Variants in CTNND2 observed in about 807,000 individuals in gnomAD.
CTNND2 encodes catenin delta 2, also known as catenin delta-2.
In CTNND2, 22 loss-of-function variants were observed where a neutral mutation model predicts 144.4. The observed-to-expected ratio is 0.15, with a 90% CI of 0.11 to 0.22. CTNND2 has a LOEUF of 0.22. Among genes scored for constraint, CTNND2 ranks in the 10% least tolerant of loss-of-function variants. The probability of loss-of-function intolerance (pLI) is 1.00; values close to 1 mark genes in which losing one functional copy is unlikely to be tolerated. For synonymous variants in CTNND2, 751 were observed against 695.6 expected (o/e 1.08, Z -1.25); for missense variants, 1,353 against 1,618.8 (o/e 0.84, Z 2.82).
At chr5:11,654,622 T>A (rs573353521) in intron 2 of CTNND2, among the ~76,000 whole-genome samples, 23 of 151,992 alleles carry the variant, frequency 1.5e-4, no homozygotes, top group African/African-American at 5.5e-4. Context: ...TAGTTCTAAC[T>A]GTTCTTTTGG....
chr5:11,677,262 C>T (rs1264389574), intron 2 of CTNND2, among the ~76,000 whole-genome samples: 2 of 152,220 alleles, frequency 1.3e-5, no homozygotes, highest in Admixed American at 1.3e-4. Context: ...GCAAATGCCT[C>T]ATCATATCTT....
At chr5:11,781,658 C>A (rs532533621) in intron 1 of CTNND2, among the ~76,000 whole-genome samples, 1 of 152,310 alleles carries the variant, frequency 6.6e-6, no homozygotes, top group African/African-American at 2.4e-5. Flanking sequence ...ATAATTTACA[C>A]AATACACAAT....
intron 2 of CTNND2, among the ~76,000 whole-genome samples, chr5:11,575,173 C>T (rs1370662154): frequency 6.6e-6 from 1 of 152,188 alleles, no homozygotes; most frequent in East Asian, 1.9e-4. Flanking sequence ...GTCTCCTCTC[C>T]TGGACCATAT....
In CTNND2 at chr5:11,521,686, C is replaced by G. The variant is rs1040712483; in HGVS notation, c.287+43258G>C. Among the ~76,000 whole-genome samples, 3 of 152,248 alleles carry G rather than the reference C, an allele frequency of 2.0e-5. No individual in the cohort carries two copies. In the East Asian group the frequency reaches 5.8e-4, roughly 29 times the overall value. ...TAGTAAATGTATATTAAGTGTTGGT[C>G]ACATATTATCTTCTTTGGTAGCTTT... On this transcript the variant is annotated intron_variant, in intron 3 of 21. Coordinates refer to ENST00000304623, the MANE Select transcript of CTNND2 (RefSeq NM_001332.4).
chr5:11,235,025 G>A (rs1328263833), intron 10 of CTNND2, among the ~76,000 whole-genome samples: 2 of 152,156 alleles, frequency 1.3e-5, no homozygotes, highest in Non-Finnish European at 1.5e-5. Flanking sequence ...TGCTTGGCCT[G>A]GAAAGCCTCA....
chr5:11,273,176 A>G (rs1339192617), intron 9 of CTNND2, among the ~76,000 whole-genome samples: 1 of 152,198 alleles, frequency 6.6e-6, no homozygotes, highest in Non-Finnish European at 1.5e-5. Flanking sequence ...TGGCCCACGA[A>G]GCCTAGAATA....
At chr5:11,512,262 G>T (rs1771723651) in intron 3 of CTNND2, among the ~76,000 whole-genome samples, 4 of 152,210 alleles carry the variant, frequency 2.6e-5, no homozygotes, top group Admixed American at 1.3e-4. Context: ...CCTGCAAATT[G>T]TATGACTGGT....
chr5:11,536,573 T>G (rs1430255428), intron 3 of CTNND2, among the ~76,000 whole-genome samples: 1 of 152,186 alleles, frequency 6.6e-6, no homozygotes, highest in African/African-American at 2.4e-5. Flanking sequence ...ATGGTATTCG[T>G]AGCAACCTGG....
chr5:11,735,779 T>C (rs1168433810), intron 1 of CTNND2, among the ~76,000 whole-genome samples: 3 of 152,298 alleles, frequency 2.0e-5, no homozygotes, highest in Non-Finnish European at 2.9e-5. Flanking sequence ...TCTGCCATGA[T>C]TGTGAGGCCT....
At chr5:11,733,319 G>T (rs1581793374) in intron 1 of CTNND2, among the ~76,000 whole-genome samples, 1 of 152,200 alleles carries the variant, frequency 6.6e-6, no homozygotes, top group East Asian at 1.9e-4. Context: ...GGATAGTGTA[G>T]TAGATAGTGT....
At chr5:11,811,202 G>A (rs1270777966) in intron 1 of CTNND2, among the ~76,000 whole-genome samples, 1 of 152,138 alleles carries the variant, frequency 6.6e-6, no homozygotes, top group Non-Finnish European at 1.5e-5. Context: ...GACTCTGACC[G>A]TCCAACTCCA....
At chr5:11,014,546 A>T (rs1187814717) in intron 18 of CTNND2, among the ~76,000 whole-genome samples, 3 of 152,204 alleles carry the variant, frequency 2.0e-5, no homozygotes, top group Non-Finnish European at 2.9e-5. Context: ...TTGATGTTCC[A>T]TTAGGGCAAA....
At chr5:11,859,907 C>A (rs1795425220) in intron 1 of CTNND2, among the ~76,000 whole-genome samples, 1 of 152,176 alleles carries the variant, frequency 6.6e-6, no homozygotes, top group Non-Finnish European at 1.5e-5. Flanking sequence ...TATAAGCACA[C>A]TCTAGGGACT....
intron 16 of CTNND2, among the ~76,000 whole-genome samples, chr5:11,066,986 C>T (rs997132778): frequency 1.3e-5 from 2 of 152,190 alleles, no homozygotes; most frequent in Non-Finnish European, 2.9e-5. Flanking sequence ...GTGCCTGATG[C>T]AGCCATATAC....
At chr5:11,616,695 C>T (rs755507889) in intron 2 of CTNND2, among the ~76,000 whole-genome samples, 12 of 152,036 alleles carry the variant, frequency 7.9e-5, no homozygotes, top group Non-Finnish European at 1.6e-4. Context: ...CACCCTCCAC[C>T]TCCCAGGTTC....
chr5:11,576,804 A>G (rs958160718), intron 2 of CTNND2, among the ~76,000 whole-genome samples: 2 of 152,158 alleles, frequency 1.3e-5, no homozygotes, highest in African/African-American at 4.8e-5. Context: ...AATGAATTTC[A>G]GAGTGCAGTA....
chr5:11,253,752 A>T lies in CTNND2; in HGVS notation c.1629-16929T>A, dbSNP rs375475187. ...TGCTATTTGTTGATGCAATAAATAA[A>T]ACCTTCTGGATAAAATATTTTTCCT... On this transcript the variant is annotated intron_variant, in intron 9 of 21. Transcript: ENST00000304623. Among the ~76,000 whole-genome samples the T allele has an allele frequency of 2.0e-5, 3 of 152,356 alleles. No homozygotes were observed. The East Asian group carries it at 5.8e-4, about 29-fold the overall frequency.
chr5:11,094,906 T>G (rs552999538), intron 15 of CTNND2, among the ~76,000 whole-genome samples: 9 of 152,310 alleles, frequency 5.9e-5, no homozygotes, highest in African/African-American at 1.2e-4. Flanking sequence ...TTCCTATTAT[T>G]CTCTACTCGC....
intron 3 of CTNND2, among the ~76,000 whole-genome samples, chr5:11,514,158 CT>C (rs1013403923): frequency 6.6e-6 from 1 of 151,282 alleles, no homozygotes; most frequent in Admixed American, 6.6e-5. Context: ...GCATTGTAGC[CT>C]GGACAACACA....
Sources: allele counts gnomAD v4.1 joint callset (sites outside exome capture counted in the v4.1 genomes callset), GRCh38; gene constraint gnomAD v4.1.1; transcripts MANE v1.5; gene names NCBI Gene and HGNC (gene_info 2026-07-23, HGNC 2026-07-21).